Variants in ANKS1B observed in about 807,000 individuals in gnomAD.
ANKS1B encodes the protein ankyrin repeat and sterile alpha motif domain-containing protein 1B.
In ANKS1B, 36 loss-of-function variants were observed where a neutral mutation model predicts 148.3. The observed-to-expected ratio is 0.24, with a 90% CI of 0.19 to 0.32. ANKS1B has a LOEUF of 0.32. Among genes scored for constraint, ANKS1B ranks in the 10% least tolerant of loss-of-function variants. The pLI is 1.00. For missense variants in ANKS1B, 1,157 were observed against 1,542.6 expected (o/e 0.75, Z 4.19); for synonymous variants, 542 against 560.8 (o/e 0.97, Z 0.47).
Position 99,087,493 on chromosome 12 carries a change from A to G in ANKS1B, c.2527-2470T>C, listed in dbSNP as rs114740775. The stretch of plus-strand genomic sequence containing the variant: ...CAGTCTTGGCAACATGCCACAGGAA[A>G]TATTGCTCTCAAGAAATTACTCAGT... On this transcript the variant is annotated intron_variant, in intron 15 of 26. Transcript: ENST00000683438. 2.1e-3 allele frequency among the ~76,000 whole-genome samples: 317 copies of G among 152,354 alleles called. 1 individual carries two copies. Among genetic ancestry groups the G allele is most frequent in the African/African-American group, 7.0e-3 (290 of 41,580 alleles).
chr12:99,375,332 C>A (rs1277766007), intron 12 of ANKS1B, among the ~76,000 whole-genome samples: 1 of 152,174 alleles, frequency 6.6e-6, no homozygotes, highest in Admixed American at 6.5e-5. Context: ...TTGAGAACCA[C>A]TGGTGTATAT....
chr12:99,928,318 CCGGACTG>C (rs1340104469), intron 1 of ANKS1B, among the ~76,000 whole-genome samples: 1 of 148,724 alleles, frequency 6.7e-6, no homozygotes, highest in Non-Finnish European at 1.5e-5. Flanking sequence ...GTCGCCCAGG[CCGGACTG>C]CGGACTGCAG....
chr12:99,439,999 T>C (rs2095523794), intron 11 of ANKS1B, among the ~76,000 whole-genome samples: 1 of 151,674 alleles, frequency 6.6e-6, no homozygotes, highest in Non-Finnish European at 1.5e-5. Context: ...TTCCAAACCA[T>C]TATGTTGAGT....
At chr12:99,235,670 G>T (rs1240911943) in intron 14 of ANKS1B, among the ~76,000 whole-genome samples, 1 of 152,074 alleles carries the variant, frequency 6.6e-6, no homozygotes, top group Non-Finnish European at 1.5e-5. Context: ...TCATACTTGG[G>T]TCACTAAACA....
In ANKS1B at chr12:98,829,151, C is replaced by A. The variant is rs149153105; in HGVS notation, c.3066+23G>T. 3 of 1,613,596 alleles carry A rather than the reference C, an allele frequency of 1.9e-6. No homozygotes were observed. Among genetic ancestry groups the A allele is most frequent in the East Asian group, 2.2e-5 (1 of 44,884 alleles). On this transcript the variant is annotated intron_variant, in intron 19 of 26. Transcript: ENST00000683438. The surrounding 1 kb of genome is among the most constrained non-coding windows in gnomAD (Gnocchi z 5.2). ...ATTACCTGATATGGTTGAAAAATAT[C>A]ACAAAGGCTTATAACACCTTACCTG...
chr12:99,557,658 T>G (rs1295519509), intron 9 of ANKS1B, among the ~76,000 whole-genome samples: 2 of 152,242 alleles, frequency 1.3e-5, no homozygotes, highest in Admixed American at 6.5e-5. Context: ...GAATTCTATG[T>G]CTGTCATTTC....
chr12:98,843,097 C>T (rs1004373744), intron 17 of ANKS1B, among the ~76,000 whole-genome samples: 1 of 152,182 alleles, frequency 6.6e-6, no homozygotes, highest in African/African-American at 2.4e-5. Flanking sequence ...AGGTTGCATT[C>T]TAAGCACCAA....
chr12:99,431,827 G>A (rs1359599952), intron 11 of ANKS1B, among the ~76,000 whole-genome samples: 1 of 152,128 alleles, frequency 6.6e-6, no homozygotes, highest in African/African-American at 2.4e-5. Context: ...CTACGATATG[G>A]ATATGGCTTA....
intron 1 of ANKS1B, among the ~76,000 whole-genome samples, chr12:99,917,064 T>C (rs2094193627): frequency 6.6e-6 from 1 of 152,166 alleles, no homozygotes; most frequent in Non-Finnish European, 1.5e-5. Context: ...TGAAAGGAAA[T>C]CCATCAGGCA....
chr12:99,366,294 T>A, intron 12 of ANKS1B, among the ~76,000 whole-genome samples: 1 of 152,190 alleles, frequency 6.6e-6, no homozygotes, highest in Non-Finnish European at 1.5e-5. Context: ...GTTTTCTTGG[T>A]TCCCGGGCTC....
intron 12 of ANKS1B, among the ~76,000 whole-genome samples, chr12:99,265,998 G>A (rs1342384477): frequency 1.3e-5 from 2 of 152,094 alleles, no homozygotes; most frequent in Non-Finnish European, 2.9e-5. Flanking sequence ...TACTAATACA[G>A]ATATTTTTCT....
At chr12:99,958,457 A>T (rs532784497) in intron 1 of ANKS1B, among the ~76,000 whole-genome samples, 42 of 152,234 alleles carry the variant, frequency 2.8e-4, no homozygotes, top group Non-Finnish European at 5.0e-4. Flanking sequence ...ATCTCAGCTC[A>T]CTACAGCCTC....
chr12:99,478,565 G>C (rs942923464), intron 10 of ANKS1B, among the ~76,000 whole-genome samples: 1 of 152,086 alleles, frequency 6.6e-6, no homozygotes, highest in Admixed American at 6.6e-5. Context: ...AAGTTTTAAA[G>C]CCATATTTTG....
At chr12:99,138,804 G>A (rs892345661) in intron 15 of ANKS1B, among the ~76,000 whole-genome samples, 4 of 151,936 alleles carry the variant, frequency 2.6e-5, no homozygotes. Flanking sequence ...GTTCTTTACT[G>A]CTTACATAAA....
intron 9 of ANKS1B, chr12:99,647,763 G>C (rs1363927733): frequency 5.2e-6 from 1 of 193,710 alleles, no homozygotes. Flanking sequence ...AGCAGTGGAT[G>C]GTTCAGGTTG....
chr12:99,072,380 C>T (rs1360778953), intron 16 of ANKS1B, among the ~76,000 whole-genome samples: 1 of 151,974 alleles, frequency 6.6e-6, no homozygotes, highest in Non-Finnish European at 1.5e-5. Context: ...CTCACAATGA[C>T]CTAATGTGAT....
chr12:99,028,869 TAGA>T (rs1175376860), intron 17 of ANKS1B, among the ~76,000 whole-genome samples: 2 of 152,228 alleles, frequency 1.3e-5, no homozygotes, highest in Non-Finnish European at 2.9e-5. Context: ...CAATGGTTTT[TAGA>T]AGAAGGAATA....
chr12:99,705,327 T>C lies in ANKS1B; in HGVS notation c.1129-50117A>G, dbSNP rs535568177. ...AAATAGGTGATTGAGAAAACAGGTA[T>C]ACTGGATGTTGACATTCCTGTGTGC... On this transcript the variant is annotated intron_variant, in intron 8 of 26. Coordinates refer to ENST00000683438, the MANE Select transcript of ANKS1B (RefSeq NM_001352186.2). Among the ~76,000 whole-genome samples, 37 of 152,180 alleles carry C rather than the reference T, an allele frequency of 2.4e-4. No individual in the cohort carries two copies. The East Asian group carries it at 6.6e-3, about 27-fold the overall frequency.
intron 16 of ANKS1B, among the ~76,000 whole-genome samples, chr12:99,059,272 T>G (rs2041519983): frequency 6.6e-6 from 1 of 152,234 alleles, no homozygotes; most frequent in Non-Finnish European, 1.5e-5. Flanking sequence ...TAATCATTTT[T>G]GAAGTCCCTA....
Sources: gnomAD v4.1 joint callset for allele counts (sites outside exome capture counted in the v4.1 genomes callset) on GRCh38, gnomAD v4.1.1 for gene constraint, Gnocchi (gnomAD v3.1) non-coding constraint, MANE v1.5 for transcripts, NCBI Gene and HGNC (gene_info 2026-07-23, HGNC 2026-07-21) for gene names.